TRAPPC12: variants seen among roughly 807,000 people sequenced by gnomAD.
TRAPPC12 encodes the protein trafficking protein particle complex subunit 12.
Under a neutral mutation model 69.2 loss-of-function variants are expected in TRAPPC12, and 61 were observed. The observed-to-expected ratio is 0.88, with a 90% confidence interval of 0.72 to 1.09. TRAPPC12 has a LOEUF of 1.09. TRAPPC12 is among the 50% of genes least tolerant of loss of function. The probability of loss-of-function intolerance (pLI) is 0.00; values close to 1 mark genes in which losing one functional copy is unlikely to be tolerated. For missense variants in TRAPPC12, 1,101 were observed against 1,016.4 expected (o/e 1.08, Z -1.13); for synonymous variants, 469 against 438.9 (o/e 1.07, Z -0.86).
Position 3,401,811 on chromosome 2 carries a change from T to C in TRAPPC12, c.1082T>C (p.Leu361Pro). The change falls in exon 3 of 12, where the codon CTG (leucine) becomes CCG (proline). Residue 361 changes from leucine to proline, a missense_variant. Leu to Pro is a moderately conservative substitution (Grantham distance 98). Coordinates refer to ENST00000324266, the MANE Select transcript of TRAPPC12 (RefSeq NM_016030.6). ...DAVKDLMLRF[L>P]GEKAAAKRQV... Reference sequence around the variant, plus strand: ...GTTAAAGACTTGATGCTTCGCTTTCTGGGTGAAAAAGCTGCAGCAAAGAGA... The same window carrying C: ...GTTAAAGACTTGATGCTTCGCTTTCCGGGTGAAAAAGCTGCAGCAAAGAGA... 1 of 1,600,256 alleles carries C rather than the reference T, an allele frequency of 6.2e-7. No homozygotes were observed. Among genetic ancestry groups the C allele is most frequent in the Non-Finnish European group, 8.5e-7 (1 of 1,175,332 alleles).
At chr2:3,443,705 C>A (rs1270850262) in intron 5 of TRAPPC12, 74 bp from the exon 6 acceptor site, 4 of 1,159,134 alleles carry the variant, frequency 3.5e-6, no homozygotes, top group Non-Finnish European at 5.2e-6. Flanking sequence ...TGCGACGCCT[C>A]CTTCAAGTGT....
At chr2:3,452,447 G>A (rs141726624) in intron 6 of TRAPPC12, among the ~76,000 whole-genome samples, 220 of 152,314 alleles carry the variant, frequency 1.4e-3, no homozygotes, top group African/African-American at 4.5e-3. Context: ...ATGCATGGCC[G>A]CATTTAAACT....
intron 8 of TRAPPC12, among the ~76,000 whole-genome samples, chr2:3,464,769 C>T (rs1001470459): frequency 2.6e-5 from 4 of 152,386 alleles, no homozygotes; most frequent in African/African-American, 9.6e-5. Context: ...GCGTTGCTCA[C>T]ACCTGGAAAG....
At chr2:3,459,135 A>G (rs1665344478) in intron 7 of TRAPPC12, among the ~76,000 whole-genome samples, 1 of 152,196 alleles carries the variant, frequency 6.6e-6, no homozygotes, top group African/African-American at 2.4e-5. Context: ...GGTCAGCTTC[A>G]GCCTCCTAAA....
chr2:3,458,070 TCTGCGTC>T lies in TRAPPC12; in HGVS notation c.1603+378_1603+384del, dbSNP rs1303367857. On this transcript the variant is annotated intron_variant, in intron 7 of 11. Coordinates refer to ENST00000324266, the MANE Select transcript of TRAPPC12 (RefSeq NM_016030.6). The stretch of plus-strand genomic sequence containing the variant: ...GGCCTCTGCGTCGGGGACAGAGGCC[TCTGCGTC>T]GGGGACAGAGGCTCGGGAGGGTGCT... 2,372 of 449,006 alleles carry T rather than the reference TCTGCGTC, an allele frequency of 5.3e-3. 38 individuals carry two copies. In the African/African-American group the frequency reaches 0.12, roughly 24 times the overall value. 27.8% of individuals were successfully genotyped at this position (449,006 alleles called of 1,614,324 possible).
intron 5 of TRAPPC12, among the ~76,000 whole-genome samples, chr2:3,425,639 GTC>G (rs902185142): frequency 1.6e-4 from 25 of 152,200 alleles, no homozygotes; most frequent in African/African-American, 5.8e-4. Context: ...ACATGGGAAA[GTC>G]TCGCACTGCC....
At chr2:3,474,583 A>G (rs923391725) in intron 9 of TRAPPC12, among the ~76,000 whole-genome samples, 2 of 152,196 alleles carry the variant, frequency 1.3e-5, no homozygotes, top group African/African-American at 4.8e-5. Flanking sequence ...AACACTGACC[A>G]TGTGTTGCTC....
intron 3 of TRAPPC12, among the ~76,000 whole-genome samples, chr2:3,420,659 C>G (rs993417989): frequency 1.3e-5 from 2 of 152,134 alleles, no homozygotes; most frequent in Non-Finnish European, 2.9e-5. Flanking sequence ...TGGAGCAGGT[C>G]GTTAGCTCCT....
intron 10 of TRAPPC12, 110 bp downstream of exon 10, chr2:3,477,905 C>T (rs1173707746): frequency 4.9e-6 from 3 of 608,854 alleles, no homozygotes; most frequent in Non-Finnish European, 8.4e-6. Context: ...CCTGTATCTC[C>T]TCTTGCCCTG....
chr2:3,454,237 G>C (rs1320655488), intron 6 of TRAPPC12, among the ~76,000 whole-genome samples: 16 of 147,780 alleles, frequency 1.1e-4, no homozygotes, highest in East Asian at 6.1e-4. Flanking sequence ...GTGTCTCCGT[G>C]TCCTACCTGT....
intron 6 of TRAPPC12, among the ~76,000 whole-genome samples, chr2:3,447,996 G>GCA (rs1403747619): frequency 6.6e-6 from 1 of 152,108 alleles, no homozygotes; most frequent in East Asian, 1.9e-4. Context: ...CAAACCACAC[G>GCA]CACACACACA....
At position 3,386,058 on chromosome 2, in the gene TRAPPC12, T is replaced by C. The variant is rs139510642; in HGVS notation, c.-4-1562T>C. On this transcript the variant is annotated intron_variant, in intron 1 of 11. Coordinates refer to ENST00000324266, the MANE Select transcript of TRAPPC12 (RefSeq NM_016030.6). ...ATGAATGTATAAGGGAATTAGTAGC[T>C]GACCAGGCTGAACCGGAAACTTCTT... Among the ~76,000 whole-genome samples, 166 of 152,366 alleles carry C rather than the reference T, an allele frequency of 1.1e-3. 2 individuals are homozygous for C. The East Asian group carries it at 0.029, about 27-fold the overall frequency.
chr2:3,392,210 T>C (rs1032954098), intron 2 of TRAPPC12, among the ~76,000 whole-genome samples: 5 of 152,202 alleles, frequency 3.3e-5, no homozygotes, highest in Non-Finnish European at 5.9e-5. Context: ...TCTCTGGTCC[T>C]GTCCAGTTTC....
At chr2:3,453,674 A>G (rs1006388014) in intron 6 of TRAPPC12, among the ~76,000 whole-genome samples, 1 of 152,162 alleles carries the variant, frequency 6.6e-6, no homozygotes, top group African/African-American at 2.4e-5. Context: ...TTGGTCTCTG[A>G]TATAGACCCT....
intron 3 of TRAPPC12, among the ~76,000 whole-genome samples, chr2:3,415,156 C>A (rs1332761759): frequency 1.3e-5 from 2 of 152,162 alleles, no homozygotes; most frequent in Non-Finnish European, 2.9e-5. Flanking sequence ...TAAGATTTTT[C>A]AACTTTATGA....
intron 9 of TRAPPC12, among the ~76,000 whole-genome samples, chr2:3,468,827 G>A (rs10194515): frequency 0.053 from 8,000 of 152,254 alleles, 688 homozygotes; most frequent in African/African-American, 0.18. Context: ...TCCTGCTGGC[G>A]CACCCTGCTC....
chr2:3,463,656 A>C (rs960880849), intron 8 of TRAPPC12, among the ~76,000 whole-genome samples: 2 of 151,282 alleles, frequency 1.3e-5, no homozygotes. Context: ...ATCGCCCACT[A>C]GCAGTGAGTG....
intron 1 of TRAPPC12, among the ~76,000 whole-genome samples, chr2:3,385,497 TA>T (rs1660449712): frequency 6.6e-6 from 1 of 152,246 alleles, no homozygotes. Flanking sequence ...GTGGTTTTTC[TA>T]GGCGATGTTT....
In TRAPPC12 at chr2:3,469,470, GA is replaced by G. The variant is rs562741019; in HGVS notation, c.1776+3780del. On this transcript the variant is annotated intron_variant, in intron 9 of 11. Transcript: ENST00000324266. ...GAATCCGCAGTGGCTGCTATAAGCA[GA>G]AAAAGTTTATTCACGGACAGTAGTA... 8.5e-5 allele frequency among the ~76,000 whole-genome samples: 13 copies of G among 152,356 alleles called. No homozygotes were observed. The East Asian group carries it at 2.5e-3, about 29-fold the overall frequency.
Sources: allele counts gnomAD v4.1 joint callset (sites outside exome capture counted in the v4.1 genomes callset), GRCh38; gene constraint gnomAD v4.1.1; transcripts MANE v1.5; gene names NCBI Gene and HGNC (gene_info 2026-07-23, HGNC 2026-07-21).